TM2D2: variants seen among roughly 807,000 people sequenced by gnomAD.
The protein encoded by TM2D2 is TM2 domain-containing protein 2.
TM2D2 carries 19 observed loss-of-function variants against 23.0 expected under a neutral mutation model. That is an observed-to-expected ratio of 0.82 (90% confidence interval 0.58 to 1.21). The LOEUF is 1.21. Among genes scored for constraint, TM2D2 ranks in the 50% most tolerant of loss-of-function variants. The pLI, the probability that TM2D2 is intolerant of heterozygous loss-of-function variation, is 0.00. For synonymous variants in TM2D2, 120 were observed against 108.8 expected (o/e 1.10, Z -0.64); for missense variants, 246 against 265.4 (o/e 0.93, Z 0.51).
Position 38,996,213 on chromosome 8 carries a change from AG to A in TM2D2, c.226del (p.Leu76TyrfsTer6), listed in dbSNP as rs1835782103. 6.2e-7 allele frequency: 1 copy of A among 1,610,006 alleles called. No individual in the cohort carries two copies. Among genetic ancestry groups the A allele is most frequent in the Non-Finnish European group, 8.5e-7 (1 of 1,176,988 alleles). On this transcript the variant is annotated frameshift_variant and splice_region_variant, in exon 1 of 4. Transcript: ENST00000456397. LOFTEE classifies it high-confidence loss of function. ...CCCGCCTCGACCACTGGTAGCTTAC[AG>A]GTAAGAGCAGAGGATGACCGGAGAG... ...PHSPVILCSY[L>X]PDEFIECEDP...
chr8:38,993,706 GACACAA>G, intron 2 of TM2D2, 46 bp from the exon 3 acceptor site: 1 of 1,360,248 alleles, frequency 7.4e-7, no homozygotes, highest in South Asian at 1.2e-5. Context: ...CAGAGCAAGT[GACACAA>G]ACATCTATCT....
chr8:38,993,758 G>A (rs765613034), intron 2 of TM2D2, 98 bp from the exon 3 acceptor site: 286 of 818,794 alleles, frequency 3.5e-4, no homozygotes, highest in Non-Finnish European at 5.3e-4. Flanking sequence ...AGCGGCCTCA[G>A]GACTACAATT....
upstream of TM2D2, chr8:38,996,617 C>T (rs1377688057): frequency 6.9e-7 from 1 of 1,441,474 alleles, no homozygotes; most frequent in African/African-American, 1.4e-5. Context: ...TAGAAAAGGT[C>T]GAGCAGACGG....
Position 38,991,384 on chromosome 8 carries a change from A to T in TM2D2, c.593T>A (p.Ile198Asn), listed in dbSNP as rs1835594524. Residue 198 changes from isoleucine (I) to asparagine (N), a missense_variant, in exon 4 of 4, where the codon ATT (isoleucine) becomes AAT (asparagine). Transcript: ENST00000456397. The stretch of plus-strand genomic sequence containing the variant: ...ATCACTTGGCATCAGCCCTCCAGTA[A>T]TTAGCAAAATAAGGTCAACAAACCA... ...IWWFVDLILL[I>N]TGGLMPSDGS... is the part of the protein sequence containing the mutation. 1 of 1,614,020 alleles carries T rather than the reference A, an allele frequency of 6.2e-7. No homozygotes were observed. Among genetic ancestry groups the T allele is most frequent in the Admixed American group, 1.7e-5 (1 of 59,990 alleles).
intron 2 of TM2D2, among the ~76,000 whole-genome samples, chr8:38,994,576 T>G (rs990325404): frequency 5.9e-5 from 9 of 152,224 alleles, no homozygotes; most frequent in African/African-American, 1.9e-4. Context: ...TTCCTCTGTG[T>G]CTGATTTAGT....
rs1835524178 is a variant in TM2D2 at position 38,988,879 on chromosome 8, T to G, written c.*2453A>C. On this transcript the variant is annotated 3_prime_UTR_variant, in exon 4 of 4. Coordinates refer to ENST00000456397, the MANE Select transcript of TM2D2 (RefSeq NM_078473.3). The stretch of plus-strand genomic sequence containing the variant: ...AGGCAGGCAGCTTCTAATTTAACCT[T>G]GAGGGAAGGACACTGTAGTATTTTA... The G allele has an allele frequency of 6.6e-6, 1 of 152,194 alleles. No homozygotes were observed. Among genetic ancestry groups the G allele is most frequent in the Admixed American group, 6.5e-5 (1 of 15,280 alleles). The allele number at this position is 152,194 out of a possible 1,614,324, so 9.4% of individuals were successfully genotyped here.
Position 38,993,575 on chromosome 8 carries a change from G to C in TM2D2, c.401C>G (p.Thr134Ser). ...LDGIECASPR[T>S]FLRENKPCIK... ...ACAAGGTTTATTTTCTCGTAGAAAGGTCCTAGGACTGGCACACTCAATTCC... is the reference window on the plus strand; with the variant it reads ...ACAAGGTTTATTTTCTCGTAGAAAGCTCCTAGGACTGGCACACTCAATTCC... Residue 134 changes from threonine (T) to serine (S), a missense_variant, in exon 3 of 4, where the codon ACC becomes AGC. By Grantham distance (58) the Thr-to-Ser change is moderately conservative (BLOSUM62 1). Around this residue, in one of 2 missense-constraint regions of TM2D2, gnomAD observed 212 missense variants for 202.2 expected, o/e 1.05. Coordinates refer to ENST00000456397, the MANE Select transcript of TM2D2 (RefSeq NM_078473.3). The C allele has an allele frequency of 1.9e-6, 3 of 1,613,732 alleles. No homozygotes were observed. Among genetic ancestry groups the C allele is most frequent in the Non-Finnish European group, 1.7e-6 (2 of 1,179,736 alleles).
chr8:38,992,378 T>C (rs1301310753), intron 3 of TM2D2, among the ~76,000 whole-genome samples: 1 of 141,362 alleles, frequency 7.1e-6, no homozygotes, highest in Non-Finnish European at 1.5e-5. Context: ...CTCGGGAGGC[T>C]GAGGTAGGAG....
In TM2D2 at chr8:38,995,322, A is replaced by C; in HGVS notation, c.311T>G (p.Leu104Arg). The C allele has an allele frequency of 1.3e-6, 2 of 1,589,252 alleles. No homozygotes were observed. The highest frequency in any genetic ancestry group is 1.7e-6 in the Non-Finnish European group (2 of 1,171,140). Residue 104 changes from leucine to arginine, a missense_variant, in exon 2 of 4, where the codon CTC becomes CGC. Transcript: ENST00000456397. ...TACGACAAAACAAAAACTCACCTTGAGACAACCATAACCAAGTTCCTGGGA... is the reference window on the plus strand; with the variant it reads ...TACGACAAAACAAAAACTCACCTTGCGACAACCATAACCAAGTTCCTGGGA... ...TASQELGYGC[L>R]KFGGQAYSDV... is the part of the protein sequence containing the mutation.
chr8:38,996,073 CATG>C (rs1162131348), intron 1 of TM2D2, 137 bp downstream of exon 1: 8 of 1,034,418 alleles, frequency 7.7e-6, no homozygotes, highest in East Asian at 5.3e-5. Flanking sequence ...AAACCTGGTT[CATG>C]ATATTTGCCT....
In TM2D2 at chr8:38,991,421, GTCC is replaced by G; in HGVS notation, c.553_555del (p.Gly185del). 1 of 1,614,096 alleles carries G rather than the reference GTCC, an allele frequency of 6.2e-7. No individual in the cohort carries two copies. Among genetic ancestry groups the G allele is most frequent in the Non-Finnish European group, 8.5e-7 (1 of 1,180,026 alleles). On this transcript the variant is annotated inframe_deletion, in exon 4 of 4. Coordinates refer to ENST00000456397, the MANE Select transcript of TM2D2 (RefSeq NM_078473.3). ...AGGTCAACAAACCACCAAATCCCAA[GTCC>G]TCCAAGCGTCAACAGCTTCCCTACT...
At chr8:38,995,807 G>A (rs1201642749) in intron 1 of TM2D2, 18 of 1,229,258 alleles carry the variant, frequency 1.5e-5, no homozygotes, top group East Asian at 4.0e-5. Flanking sequence ...GCAACGGTAA[G>A]AATATTGATT....
intron 2 of TM2D2, among the ~76,000 whole-genome samples, chr8:38,994,967 C>A (rs1324121751): frequency 1.3e-5 from 2 of 152,254 alleles, no homozygotes; most frequent in African/African-American, 4.8e-5. Flanking sequence ...CCCAATCCAT[C>A]ACCAGTGTTG....
At chr8:38,995,694 C>T in intron 1 of TM2D2, 1 of 1,313,720 alleles carries the variant, frequency 7.6e-7, no homozygotes, top group East Asian at 3.1e-5. Context: ...CAACAAGATT[C>T]TGGGGGCAAA....
Position 38,996,395 on chromosome 8 carries a change from G to A in TM2D2, c.45C>T (p.Gly15=). Reference sequence around the variant, plus strand: ...AATTCCCCAGCAGCAAAGCCGCCTGGCCGCACAGAAGTAAGTAACTAACCG... The same window carrying A: ...AATTCCCCAGCAGCAAAGCCGCCTGACCGCACAGAAGTAAGTAACTAACCG... ...GCPVSYLLLC[G]QAALLLGNLL... is the part of the protein sequence containing the mutation. The change falls in exon 1 of 4, where the codon GGC becomes GGT. Residue 15 remains glycine (G), a synonymous_variant. Coordinates refer to ENST00000456397, the MANE Select transcript of TM2D2 (RefSeq NM_078473.3). 1 of 1,614,216 alleles carries A rather than the reference G, an allele frequency of 6.2e-7. No individual in the cohort carries two copies.
intron 3 of TM2D2, among the ~76,000 whole-genome samples, chr8:38,991,786 A>G (rs1032310772): frequency 1.3e-5 from 2 of 152,186 alleles, no homozygotes; most frequent in Non-Finnish European, 2.9e-5. Flanking sequence ...GCTACCTGGC[A>G]AAGATACCAG....
chr8:38,992,776 C>T (rs945431761), intron 3 of TM2D2, among the ~76,000 whole-genome samples: 15 of 152,222 alleles, frequency 9.9e-5, no homozygotes, highest in African/African-American at 3.1e-4. Context: ...TCTAAGGAAG[C>T]ACTGTTCTTA....
Position 38,996,305 on chromosome 8 carries a change from T to TGTG in TM2D2, c.132_134dup (p.Thr45dup), listed in dbSNP as rs780703528. On this transcript the variant is annotated inframe_insertion, in exon 1 of 4. Coordinates refer to ENST00000456397, the MANE Select transcript of TM2D2 (RefSeq NM_078473.3). The stretch of plus-strand genomic sequence containing the variant: ...CCTCCGGCTGGGCGGCGCCAGCGGA[T>TGTG]GTGAGCTCAGGCTCAGCGGTCGCAT... 6.2e-7 allele frequency: 1 copy of TGTG among 1,613,988 alleles called. No individual in the cohort carries two copies. The highest frequency in any genetic ancestry group is 8.5e-7 in the Non-Finnish European group (1 of 1,180,018).
intron 3 of TM2D2, among the ~76,000 whole-genome samples, chr8:38,992,273 C>T (rs62504415): frequency 5.2e-4 from 69 of 131,912 alleles, no homozygotes; most frequent in African/African-American, 2.0e-3. Flanking sequence ...CCAGGCCAAC[C>T]TAGGCAACAT....
Sources: gnomAD v4.1 joint callset for allele counts (sites outside exome capture counted in the v4.1 genomes callset) on GRCh38, gnomAD v4.1.1 for gene constraint, gnomAD v4.1.1 regional missense constraint, MANE v1.5 for transcripts, NCBI Gene and HGNC (gene_info 2026-07-23, HGNC 2026-07-21) for gene names.